The following KANSL1L variants were observed in gnomAD, a reference collection of about 807,000 sequenced individuals.
The protein encoded by KANSL1L is KAT8 regulatory NSL complex subunit 1 like, also known as KAT8 regulatory NSL complex subunit 1-like protein.
Under a neutral mutation model 108.6 loss-of-function variants are expected in KANSL1L, and 25 were observed. The observed-to-expected ratio is 0.23, with a 90% CI of 0.17 to 0.32. KANSL1L has a LOEUF of 0.32. Among genes scored for constraint, KANSL1L ranks in the 10% least tolerant of loss-of-function variants. The probability of loss-of-function intolerance (pLI) is 1.00; values close to 1 mark genes in which losing one functional copy is unlikely to be tolerated. For missense variants in KANSL1L, 1,137 were observed against 1,125.7 expected (o/e 1.01, Z -0.14); for synonymous variants, 405 against 395.1 (o/e 1.03, Z -0.30).
intron 6 of KANSL1L, among the ~76,000 whole-genome samples, chr2:210,071,835 T>C (rs979381439): frequency 6.6e-6 from 1 of 152,138 alleles, no homozygotes; most frequent in Non-Finnish European, 1.5e-5. Flanking sequence ...ACAGCGTTTG[T>C]TTTTGCTTTT....
intron 3 of KANSL1L, among the ~76,000 whole-genome samples, chr2:210,121,798 C>G (rs1041252990): frequency 3.9e-5 from 6 of 152,114 alleles, no homozygotes; most frequent in Admixed American, 1.3e-4. Flanking sequence ...AATCTACAGA[C>G]TCCACTAAAA....
rs113608060 is a variant in KANSL1L at position 210,029,633 on chromosome 2, A to C, written c.2271+170T>G. 9.3e-3 allele frequency among the ~76,000 whole-genome samples: 1,410 copies of C among 151,140 alleles called. 29 individuals are homozygous for C. Among genetic ancestry groups the C allele is most frequent in the South Asian group, 0.084 (401 of 4,754 alleles). Reference sequence around the variant, plus strand: ...TTAATGAACTTTTAGCTTCATAGTTAAAAATAAGTTGTATGAATCAAATAT... The same window carrying C: ...TTAATGAACTTTTAGCTTCATAGTTCAAAATAAGTTGTATGAATCAAATAT... On this transcript the variant is annotated intron_variant, in intron 10 of 14. Coordinates refer to ENST00000281772, the MANE Select transcript of KANSL1L (RefSeq NM_152519.4).
intron 7 of KANSL1L, among the ~76,000 whole-genome samples, chr2:210,041,437 T>C (rs2094162980): frequency 6.6e-6 from 1 of 152,216 alleles, no homozygotes; most frequent in South Asian, 2.1e-4. Context: ...TTTTATTTTT[T>C]ATTTGTTTTT....
At position 210,031,500 on chromosome 2, in the gene KANSL1L, A is replaced by G; in HGVS notation, c.2076T>C (p.Cys692=). 1 of 1,560,488 alleles carries G rather than the reference A, an allele frequency of 6.4e-7. No individual in the cohort carries two copies. The highest frequency in any genetic ancestry group is 8.8e-7 in the Non-Finnish European group (1 of 1,134,586). The stretch of plus-strand genomic sequence containing the variant: ...AAGATTCTGACCTTATTTGAGGCTT[A>G]CATATAGGTGAATATCCATTTCTCC... ...NQWRNGYSPI[C]KPQIRSESSA... is the part of the protein sequence containing the mutation. The change falls in exon 9 of 15, where the codon TGT becomes TGC. Residue 692 remains cysteine (C), a synonymous_variant. Transcript: ENST00000281772.
At chr2:210,028,059 A>G (rs148722439) in intron 11 of KANSL1L, among the ~76,000 whole-genome samples, 179 of 152,304 alleles carry the variant, frequency 1.2e-3, no homozygotes, top group African/African-American at 3.9e-3. Context: ...GGTGTCATTT[A>G]TATTCTTAAG....
Position 210,023,192 on chromosome 2 carries a change from A to G in KANSL1L, c.2734-13T>C. ...CCCACCACAAAGACTGAAAGGGGAA[A>G]AATTTTCAGTTAAGTTTCAACTAAC... is the stretch of plus-strand genomic sequence containing the variant. On this transcript the variant is annotated splice_polypyrimidine_tract_variant and intron_variant, in intron 14 of 14. Coordinates refer to ENST00000281772, the MANE Select transcript of KANSL1L (RefSeq NM_152519.4). 3 of 1,600,306 alleles carry G rather than the reference A, an allele frequency of 1.9e-6. No individual in the cohort carries two copies. Among genetic ancestry groups the G allele is most frequent in the Non-Finnish European group, 2.6e-6 (3 of 1,167,902 alleles).
chr2:210,072,638 C>T (rs2125317542), intron 6 of KANSL1L, among the ~76,000 whole-genome samples: 1 of 151,554 alleles, frequency 6.6e-6, no homozygotes, highest in East Asian at 2.0e-4. Flanking sequence ...ATGCACAGTT[C>T]ACAATAGGGT....
intron 6 of KANSL1L, among the ~76,000 whole-genome samples, chr2:210,056,976 C>T (rs2094358332): frequency 6.6e-6 from 1 of 152,070 alleles, no homozygotes; most frequent in African/African-American, 2.4e-5. Flanking sequence ...GTGTGTATGC[C>T]CCTTTGCTGA....
intron 8 of KANSL1L, among the ~76,000 whole-genome samples, chr2:210,034,599 G>T (rs2094074461): frequency 6.6e-6 from 1 of 152,190 alleles, no homozygotes; most frequent in African/African-American, 2.4e-5. Flanking sequence ...GGAGGTCACT[G>T]CCTACAGTGA....
At chr2:210,049,583 T>TGA (rs2094266115) in intron 6 of KANSL1L, among the ~76,000 whole-genome samples, 1 of 152,026 alleles carries the variant, frequency 6.6e-6, no homozygotes, top group Non-Finnish European at 1.5e-5. Flanking sequence ...GGCAACATAG[T>TGA]GAGACCCTAT....
chr2:210,031,179 G>A (rs2094010775), intron 9 of KANSL1L: 1 of 363,700 alleles, frequency 2.7e-6, no homozygotes, highest in Admixed American at 4.8e-5. Flanking sequence ...CTGATTGGTA[G>A]AAGACAACTA....
chr2:210,033,924 C>T (rs1188788950), intron 8 of KANSL1L, among the ~76,000 whole-genome samples: 2 of 152,056 alleles, frequency 1.3e-5, no homozygotes, highest in African/African-American at 4.8e-5. Flanking sequence ...GTAAGGTTTT[C>T]ATGGACCCTT....
At chr2:210,085,784 T>C (rs1369381733) in intron 5 of KANSL1L, among the ~76,000 whole-genome samples, 1 of 151,564 alleles carries the variant, frequency 6.6e-6, no homozygotes, top group Non-Finnish European at 1.5e-5. Flanking sequence ...TAATTTTGTA[T>C]AGTTACATGA....
chr2:210,147,900 A>G (rs1464576561), intron 2 of KANSL1L, among the ~76,000 whole-genome samples: 1 of 152,192 alleles, frequency 6.6e-6, no homozygotes, highest in African/African-American at 2.4e-5. Flanking sequence ...AAAGCAGGAA[A>G]GCAAGCACAA....
chr2:210,140,774 G>A (rs1018234831), intron 2 of KANSL1L, among the ~76,000 whole-genome samples: 2 of 152,116 alleles, frequency 1.3e-5, no homozygotes, highest in Admixed American at 6.5e-5. Context: ...CTTCCAATCC[G>A]TGAACACAGG....
chr2:210,062,348 T>A (rs1252485211), intron 6 of KANSL1L, among the ~76,000 whole-genome samples: 1 of 152,160 alleles, frequency 6.6e-6, no homozygotes, highest in East Asian at 1.9e-4. Context: ...TCTTTTTTCC[T>A]CCCAGTCTCG....
chr2:210,097,969 G>C, intron 5 of KANSL1L, 117 bp downstream of exon 5: 1 of 664,842 alleles, frequency 1.5e-6, no homozygotes, highest in South Asian at 2.4e-5. Flanking sequence ...TTGTACTCTA[G>C]TAGCCCCTAA....
chr2:210,154,925 A>C (rs527483070), intron 1 of KANSL1L, among the ~76,000 whole-genome samples: 3 of 152,306 alleles, frequency 2.0e-5, no homozygotes, highest in African/African-American at 7.2e-5. Context: ...CAAAAGAAAA[A>C]AAAAAATCCA....
At chr2:210,043,855 G>T (rs2094195121) in intron 7 of KANSL1L, 84 bp downstream of exon 7, 2 of 935,744 alleles carry the variant, frequency 2.1e-6, no homozygotes, top group South Asian at 2.3e-5. Context: ...GATAAAATAA[G>T]ATTTATTAGA....
Sources: allele counts gnomAD v4.1 joint callset (sites outside exome capture counted in the v4.1 genomes callset), GRCh38; gene constraint gnomAD v4.1.1; transcripts MANE v1.5; gene names NCBI Gene and HGNC (gene_info 2026-07-23, HGNC 2026-07-21).